KIF23: variants seen among roughly 807,000 people sequenced by gnomAD.
KIF23 encodes the protein kinesin-like protein KIF23.
A neutral mutation model predicts 137.5 loss-of-function variants in KIF23; 30 were observed. The observed-to-expected ratio is 0.22, with a 90% CI of 0.16 to 0.30. The LOEUF is 0.30. Among genes scored for constraint, KIF23 ranks in the 10% least tolerant of loss-of-function variants. The pLI is 1.00. For synonymous variants in KIF23, 367 were observed against 391.1 expected (o/e 0.94, Z 0.73); for missense variants, 920 against 1,194.3 (o/e 0.77, Z 3.38).
intron 22 of KIF23, 195 bp downstream of exon 22, chr15:69,446,559 G>C: frequency 1.6e-6 from 1 of 626,228 alleles, no homozygotes; most frequent in Non-Finnish European, 2.8e-6. Context: ...TTATTCCTGA[G>C]GAGAATCTCT....
rs550600772 is a variant in KIF23 at position 69,439,253 on chromosome 15, T to C, written c.1756-651T>C. 1.1e-4 allele frequency among the ~76,000 whole-genome samples: 16 copies of C among 152,270 alleles called. No individual in the cohort carries two copies. In the South Asian group the frequency reaches 3.3e-3, roughly 32 times the overall value. ...CTCTGACCCAAACAAGGGAGCTTTC[T>C]AGAGCTTAGCTTTGGTTGTAGCTTG... On this transcript the variant is annotated intron_variant, in intron 16 of 23. Transcript: ENST00000679126.
chr15:69,430,592 A>G (rs1270914432), intron 11 of KIF23, among the ~76,000 whole-genome samples: 2 of 152,208 alleles, frequency 1.3e-5, no homozygotes, highest in South Asian at 4.1e-4. Context: ...GATAGGATTA[A>G]AGGCAACGTT....
chr15:69,434,451 G>T, intron 11 of KIF23: 1 of 490,110 alleles, frequency 2.0e-6, no homozygotes, highest in Non-Finnish European at 3.8e-6. Flanking sequence ...CCTGAAACTT[G>T]TTAAGAGATG....
intron 19 of KIF23, among the ~76,000 whole-genome samples, chr15:69,441,349 T>A (rs2057616022): frequency 6.6e-6 from 1 of 152,228 alleles, no homozygotes. Flanking sequence ...TTCAGCTGCA[T>A]ACGCTAATAA....
Position 69,444,450 on chromosome 15 carries a change from C to T in KIF23, c.2422-340C>T, listed in dbSNP as rs144351632. 1,148 of 219,540 alleles carry T rather than the reference C, an allele frequency of 5.2e-3. 19 individuals are homozygous for T. Among genetic ancestry groups the T allele is most frequent in the African/African-American group, 0.024 (1,055 of 43,086 alleles). 13.6% of individuals were successfully genotyped at this position (219,540 alleles called of 1,614,324 possible). A position where few individuals can be genotyped will look rare whatever the true frequency, so the allele number is the denominator to read the frequency against. On this transcript the variant is annotated intron_variant, in intron 19 of 23. Coordinates refer to ENST00000679126, the MANE Select transcript of KIF23 (RefSeq NM_001367805.3). This position sits in a 1 kb window ranked among gnomAD's most constrained non-coding sequence, Gnocchi z 4.2. ...GAGTTGTGGACATAATAGATTACCT[C>T]TCAATAGCAGGGATAAATATTGGTT...
Position 69,436,119 on chromosome 15 carries a change from C to G in KIF23, c.1315-19C>G, listed in dbSNP as rs2057472066. The G allele has an allele frequency of 1.3e-6, 2 of 1,596,720 alleles. No homozygotes were observed. The highest frequency in any genetic ancestry group is 2.3e-5 in the South Asian group (2 of 87,322). ...GATATCCTTATTTTTTTTTAAACTC[C>G]ATTTGTTTTGTGTTTTAGCAAGTCA... On this transcript the variant is annotated intron_variant, in intron 13 of 23. Transcript: ENST00000679126.
chr15:69,438,045 T>A (rs2057524798), intron 15 of KIF23, among the ~76,000 whole-genome samples: 1 of 152,240 alleles, frequency 6.6e-6, no homozygotes, highest in African/African-American at 2.4e-5. Context: ...TTTTTCAGCA[T>A]TTAACAGAAA....
Position 69,440,602 on chromosome 15 carries a change from C to T in KIF23, c.2109+115C>T, listed in dbSNP as rs1037814631. On this transcript the variant is annotated intron_variant, in intron 18 of 23. Transcript: ENST00000679126. The stretch of plus-strand genomic sequence containing the variant: ...TAATACTTACATTTCTGAAATTTCT[C>T]TAAAAATATTTTAAAATTTAGAATA... 7 of 1,182,558 alleles carry T rather than the reference C, an allele frequency of 5.9e-6. No homozygotes were observed. In the Admixed American group the frequency reaches 1.5e-4, roughly 26 times the overall value. The allele number at this position is 1,182,558 out of a possible 1,614,324, so 73.3% of individuals were successfully genotyped here.
Position 69,416,119 on chromosome 15 carries a change from C to A in KIF23, c.81+56C>A. 3.5e-6 allele frequency: 4 copies of A among 1,141,726 alleles called. No homozygotes were observed. In the South Asian group the frequency reaches 6.2e-5, roughly 18 times the overall value. 70.7% of individuals were successfully genotyped at this position (1,141,726 alleles called of 1,614,324 possible). A position where few individuals can be genotyped will look rare whatever the true frequency, so the allele number is the denominator to read the frequency against. ...GTTTAAGAAACTTATCTCTTCAGTCCTTTCTGTCTTATGTGTATGCTTGGA... is the reference window on the plus strand; with the variant it reads ...GTTTAAGAAACTTATCTCTTCAGTCATTTCTGTCTTATGTGTATGCTTGGA... On this transcript the variant is annotated intron_variant, in intron 2 of 23. Coordinates refer to ENST00000679126, the MANE Select transcript of KIF23 (RefSeq NM_001367805.3).
At chr15:69,426,735 A>C in intron 10 of KIF23, 1 of 333,140 alleles carries the variant, frequency 3.0e-6, no homozygotes, top group Non-Finnish European at 5.5e-6. Flanking sequence ...AAAAAGTTAA[A>C]TTAGAGAGGT....
chr15:69,414,633 TC>T, intron 1 of KIF23, 157 bp downstream of exon 1: 1 of 781,896 alleles, frequency 1.3e-6, no homozygotes, highest in Non-Finnish European at 1.8e-6. Flanking sequence ...AGTGGGAACC[TC>T]CACGTGTGGC....
intron 6 of KIF23, 41 bp from the exon 7 acceptor site, chr15:69,423,118 A>G (rs2057100605): frequency 7.6e-7 from 1 of 1,322,766 alleles, no homozygotes; most frequent in Non-Finnish European, 1.1e-6. Flanking sequence ...TACTTTTAAA[A>G]TGGACTTATA....
At position 69,440,418 on chromosome 15, in the gene KIF23, A is replaced by C. The variant is rs1210261572; in HGVS notation, c.2040A>C (p.Pro680=). 1 of 1,613,948 alleles carries C rather than the reference A, an allele frequency of 6.2e-7. No individual in the cohort carries two copies. Residue 680 remains proline, a synonymous_variant, in exon 18 of 24, where the codon CCA becomes CCC. Coordinates refer to ENST00000679126, the MANE Select transcript of KIF23 (RefSeq NM_001367805.3). ...AIVTEPKTEK[P]ERPSRERDRE... ...TTACCGAACCTAAAACTGAGAAGCC[A>C]GAGAGACCCTCTCGGGAGCGAGATC...
intron 7 of KIF23, 128 bp downstream of exon 7, chr15:69,423,457 A>ACAAATTATATC: frequency 3.3e-6 from 2 of 604,760 alleles, no homozygotes; most frequent in Non-Finnish European, 5.4e-6. Flanking sequence ...GAAATGATAT[A>ACAAATTATATC]ATTTGTATAT....
In KIF23 at chr15:69,438,229, C is replaced by A; in HGVS notation, c.1598-19C>A. On this transcript the variant is annotated intron_variant, in intron 15 of 23. Transcript: ENST00000679126. ...TTTTAGAACTGGTGTAAAACTTGAC[C>A]TGTATGTTTTTGTTTCAGCTAATGC... 6.3e-7 allele frequency: 1 copy of A among 1,584,064 alleles called. No individual in the cohort carries two copies. The highest frequency in any genetic ancestry group is 8.6e-7 in the Non-Finnish European group (1 of 1,169,546).
chr15:69,434,632 G>T, intron 11 of KIF23: 1 of 1,444,364 alleles, frequency 6.9e-7, no homozygotes, highest in Admixed American at 1.7e-5. Flanking sequence ...TGATGTAGGG[G>T]ATGGAAAAAG....
chr15:69,444,915 G>A lies in KIF23; in HGVS notation c.2547G>A (p.Gln849=). ...ASNMQTETVM[Q]PHVPHAITVS... is the part of the protein sequence containing the mutation. ...ACATGCAAACTGAAACAGTCATGCA[G>A]CCACATGTCCCTCATGCCATCACAG... Residue 849 remains glutamine, a synonymous_variant, in exon 20 of 24, where the codon CAG becomes CAA. Transcript: ENST00000679126. The surrounding 1 kb of genome is among the most constrained non-coding windows in gnomAD (Gnocchi z 4.2). 6.2e-7 allele frequency: 1 copy of A among 1,614,186 alleles called. No homozygotes were observed. The highest frequency in any genetic ancestry group is 8.5e-7 in the Non-Finnish European group (1 of 1,180,036).
chr15:69,438,237 T>C lies in KIF23; in HGVS notation c.1598-11T>C. On this transcript the variant is annotated splice_polypyrimidine_tract_variant and intron_variant, in intron 15 of 23. Transcript: ENST00000679126. ...CTGGTGTAAAACTTGACCTGTATGT[T>C]TTTGTTTCAGCTAATGCTTTTAAAG... 1 of 1,591,502 alleles carries C rather than the reference T, an allele frequency of 6.3e-7. No homozygotes were observed. Among genetic ancestry groups the C allele is most frequent in the Non-Finnish European group, 8.5e-7 (1 of 1,173,236 alleles).
intron 1 of KIF23, chr15:69,414,687 C>T (rs2056846779): frequency 4.4e-6 from 2 of 455,278 alleles, no homozygotes; most frequent in Admixed American, 4.5e-5. Context: ...GCCGCGTCGC[C>T]CCCCGCCGCC....
Sources: allele counts gnomAD v4.1 joint callset (sites outside exome capture counted in the v4.1 genomes callset), GRCh38; gene constraint gnomAD v4.1.1; non-coding constraint Gnocchi (gnomAD v3.1); transcripts MANE v1.5; gene names NCBI Gene and HGNC (gene_info 2026-07-23, HGNC 2026-07-21).